Variants in PON3 observed in about 807,000 individuals in gnomAD.
PON3 encodes the protein paraoxonase 3, also known as serum paraoxonase/lactonase 3.
PON3 carries 37 observed loss-of-function variants against 36.3 expected under a neutral mutation model. The observed-to-expected ratio is 1.02, with a 90% CI of 0.78 to 1.34. The LOEUF (loss-of-function observed/expected upper bound fraction) is 1.34, where lower values mean the gene tolerates loss of function less well. Ranked by LOEUF, PON3 falls within the 40% of genes most tolerant of loss-of-function variation. The probability of loss-of-function intolerance (pLI) is 0.00; values close to 1 mark genes in which losing one functional copy is unlikely to be tolerated. For synonymous variants in PON3, 155 were observed against 154.8 expected, an observed-to-expected ratio of 1.00 and a Z score of -0.01; for missense variants, 415 against 426.5, an observed-to-expected ratio of 0.97 and a Z score of 0.24.
In PON3 at chr7:95,359,954, T is replaced by G; in HGVS notation, c.*19A>C. ...ACAAAATATGTAGACTTTTTTTTTT[T>G]TTTTTTACTATCTAGAGTCTAGAGC... On this transcript the variant is annotated 3_prime_UTR_variant, in exon 9 of 9. Coordinates refer to ENST00000265627, the MANE Select transcript of PON3 (RefSeq NM_000940.3). The G allele has an allele frequency of 1.3e-6, 2 of 1,588,278 alleles. No homozygotes were observed. The highest frequency in any genetic ancestry group is 1.7e-6 in the Non-Finnish European group (2 of 1,172,750).
chr7:95,366,332 G>T (rs1249875990), intron 5 of PON3, among the ~76,000 whole-genome samples: 8 of 152,184 alleles, frequency 5.3e-5, no homozygotes, highest in Admixed American at 5.2e-4. Context: ...CAACCCTGTG[G>T]AAGTCCTGTT....
intron 7 of PON3, 40 bp from the exon 8 acceptor site, chr7:95,362,530 G>A (rs1808595662): frequency 1.2e-6 from 2 of 1,612,246 alleles, no homozygotes; most frequent in South Asian, 2.2e-5. Context: ...TTGTCTCAAT[G>A]ATTCCTCGCT....
chr7:95,386,984 C>G (rs184567116), intron 3 of PON3, among the ~76,000 whole-genome samples: 16 of 152,278 alleles, frequency 1.1e-4, no homozygotes, highest in Admixed American at 9.1e-4. Context: ...TAGAACGTAT[C>G]TCAAAATAAT....
chr7:95,388,614 A>G (rs558153792), intron 3 of PON3, among the ~76,000 whole-genome samples: 1 of 152,370 alleles, frequency 6.6e-6, no homozygotes, highest in African/African-American at 2.4e-5. Context: ...ATTATAAATC[A>G]TGCTACTATA....
chr7:95,377,666 C>A, intron 3 of PON3: 1 of 300,562 alleles, frequency 3.3e-6, no homozygotes, highest in Non-Finnish European at 6.8e-6. Flanking sequence ...CAAACTCCAA[C>A]AGACCTGCAG....
chr7:95,395,371 C>A (rs568250378), intron 1 of PON3, among the ~76,000 whole-genome samples: 20 of 152,114 alleles, frequency 1.3e-4, no homozygotes, highest in Non-Finnish European at 2.6e-4. Flanking sequence ...CAGAAAGACT[C>A]AATACTTATC....
intron 5 of PON3, chr7:95,364,375 T>C: frequency 2.5e-6 from 1 of 405,732 alleles, no homozygotes; most frequent in Non-Finnish European, 4.6e-6. Flanking sequence ...TCTGTGACAG[T>C]TGTAGTGCAG....
At chr7:95,363,310 A>C (rs1388327417) in intron 6 of PON3, among the ~76,000 whole-genome samples, 9 of 152,190 alleles carry the variant, frequency 5.9e-5, no homozygotes. Flanking sequence ...TTAATATTCA[A>C]GGTACTTCTG....
intron 3 of PON3, among the ~76,000 whole-genome samples, chr7:95,389,597 C>T (rs540890966): frequency 6.6e-6 from 1 of 151,942 alleles, no homozygotes; most frequent in Non-Finnish European, 1.5e-5. Flanking sequence ...CTTGATTATT[C>T]CTGTGAAGAC....
At chr7:95,390,325 C>T (rs774969741) in intron 2 of PON3, 116 bp from the exon 3 acceptor site, 13 of 860,502 alleles carry the variant, frequency 1.5e-5, no homozygotes, top group East Asian at 4.9e-5. Flanking sequence ...TTGACTTGTT[C>T]AACCATTTAC....
At chr7:95,363,578 T>G in intron 6 of PON3, 1 of 447,844 alleles carries the variant, frequency 2.2e-6, no homozygotes, top group Non-Finnish European at 4.1e-6. Flanking sequence ...TTATCTTCCT[T>G]TGTAGTGTGT....
chr7:95,362,382 C>T lies in PON3; in HGVS notation c.886G>A (p.Glu296Lys). The T allele has an allele frequency of 6.2e-7, 1 of 1,613,762 alleles. No individual in the cohort carries two copies. The highest frequency in any genetic ancestry group is 1.3e-5 in the African/African-American group (1 of 75,040). The change falls in exon 8 of 9, where the codon GAG (glutamate) becomes AAG (lysine). Residue 296 changes from glutamate to lysine, a missense_variant. Coordinates refer to ENST00000265627, the MANE Select transcript of PON3 (RefSeq NM_000940.3). ...NPMKLLNYNP[E>K]DPPGSEVLRI... ...CTTACTTCTGATCCTGGAGGGTCCT[C>T]AGGGTTATAGTTCAGTAGCTTCATA... is the stretch of plus-strand genomic sequence containing the variant.
rs139920975 is a variant in PON3 at position 95,394,644 on chromosome 7, C to T, written c.145G>A (p.Glu49Lys). Reference sequence around the variant, plus strand: ...CCTCTTGGTACTGTCACATACATACCAAGTTCCTCAATAAGGTGGCAGTTT... The same window carrying T: ...CCTCTTGGTACTGTCACATACATACTAAGTTCCTCAATAAGGTGGCAGTTT... ...PENCHLIEEL[E>K]SGSEDIDILP... Residue 49 changes from glutamate (E) to lysine (K), a missense_variant and splice_region_variant, in exon 2 of 9, where the codon GAA (glutamate) becomes AAA (lysine). Coordinates refer to ENST00000265627, the MANE Select transcript of PON3 (RefSeq NM_000940.3). 1 of 1,613,620 alleles carries T rather than the reference C, an allele frequency of 6.2e-7. No individual in the cohort carries two copies. The highest frequency in any genetic ancestry group is 8.5e-7 in the Non-Finnish European group (1 of 1,179,570).
chr7:95,387,837 C>A (rs1386561345), intron 3 of PON3, among the ~76,000 whole-genome samples: 1 of 152,188 alleles, frequency 6.6e-6, no homozygotes, highest in Non-Finnish European at 1.5e-5. Context: ...CACACATCTA[C>A]AACCATCTGA....
intron 3 of PON3, among the ~76,000 whole-genome samples, chr7:95,389,333 T>C (rs913079035): frequency 1.3e-5 from 2 of 152,084 alleles, no homozygotes; most frequent in African/African-American, 2.4e-5. Flanking sequence ...TAAGTACCCC[T>C]TTTTTGGCCA....
chr7:95,367,022 G>A (rs1009928807), intron 5 of PON3, among the ~76,000 whole-genome samples: 5 of 152,078 alleles, frequency 3.3e-5, no homozygotes, highest in African/African-American at 1.2e-4. Flanking sequence ...AACCTACTAG[G>A]ACAACCAAAA....
At chr7:95,372,841 G>T (rs1808839326) in intron 3 of PON3, among the ~76,000 whole-genome samples, 1 of 152,148 alleles carries the variant, frequency 6.6e-6, no homozygotes, top group Non-Finnish European at 1.5e-5. Context: ...AGCTGGCTAA[G>T]AATTAACATA....
chr7:95,363,309 A>T (rs1209549737), intron 6 of PON3, among the ~76,000 whole-genome samples: 1 of 152,176 alleles, frequency 6.6e-6, no homozygotes, highest in Non-Finnish European at 1.5e-5. Context: ...GTTAATATTC[A>T]AGGTACTTCT....
intron 3 of PON3, among the ~76,000 whole-genome samples, chr7:95,383,200 T>A (rs1397873052): frequency 1.3e-5 from 2 of 152,102 alleles, no homozygotes; most frequent in South Asian, 2.1e-4. Context: ...ATGGGACATA[T>A]CTCAAAATAA....
Sources: gnomAD v4.1 joint callset for allele counts (sites outside exome capture counted in the v4.1 genomes callset) on GRCh38, gnomAD v4.1.1 for gene constraint, MANE v1.5 for transcripts, NCBI Gene and HGNC (gene_info 2026-07-23, HGNC 2026-07-21) for gene names.